The following RBM17 variants were observed in gnomAD, a reference collection of about 807,000 sequenced individuals.
RBM17 encodes splicing factor 45.
RBM17 carries 7 observed loss-of-function variants against 53.2 expected under a neutral mutation model. The observed-to-expected ratio is 0.13, with a 90% CI of 0.07 to 0.25. RBM17 has a LOEUF of 0.25. RBM17 is among the 10% of genes least tolerant of loss of function. The pLI is 1.00. For missense variants in RBM17, 257 were observed against 496.7 expected (o/e 0.52, Z 4.59); for synonymous variants, 167 against 178.1 (o/e 0.94, Z 0.50).
rs1237906942 is a variant in RBM17, at chr10:6,089,798, A to C, written c.-19+605A>C. On this transcript the variant is annotated intron_variant, in intron 1 of 11. Coordinates refer to ENST00000379888, the MANE Select transcript of RBM17 (RefSeq NM_032905.5). The surrounding 1 kb of genome is among the most constrained non-coding windows in gnomAD (Gnocchi z 5.6). ...TTGAGCTTCGCCTCTTGCCCCGAGA[A>C]TGTGTAATGATCGGAGAATGCAGGT... 1 of 152,296 alleles carries C rather than the reference A, an allele frequency of 6.6e-6. No homozygotes were observed. Among genetic ancestry groups the C allele is most frequent in the Non-Finnish European group, 1.5e-5 (1 of 68,036 alleles). 9.4% of individuals were successfully genotyped at this position (152,296 alleles called of 1,614,324 possible).
chr10:6,108,121 G>A (rs1390753968), intron 5 of RBM17, among the ~76,000 whole-genome samples: 2 of 152,152 alleles, frequency 1.3e-5, no homozygotes, highest in Admixed American at 6.5e-5. Flanking sequence ...AAGGACCCAC[G>A]CTTTCAAATA....
intron 1 of RBM17, among the ~76,000 whole-genome samples, chr10:6,091,195 A>G (rs1840479708): frequency 6.6e-6 from 1 of 151,594 alleles, no homozygotes; most frequent in Admixed American, 6.6e-5. Context: ...AGTAGCTGGA[A>G]TTACAGGCGC....
At chr10:6,107,322 T>A (rs570604791) in intron 5 of RBM17, among the ~76,000 whole-genome samples, 24 of 151,772 alleles carry the variant, frequency 1.6e-4, no homozygotes, top group African/African-American at 5.3e-4. Flanking sequence ...GGATTACAGG[T>A]GTGCGCTACC....
intron 2 of RBM17, among the ~76,000 whole-genome samples, chr10:6,098,693 A>G (rs1035533112): frequency 2.7e-5 from 4 of 146,996 alleles, no homozygotes; most frequent in Admixed American, 7.1e-5. Context: ...CTCCTGTCTC[A>G]GCCTCCTGAG....
At chr10:6,093,516 G>T (rs541378556) in intron 1 of RBM17, among the ~76,000 whole-genome samples, 3 of 152,312 alleles carry the variant, frequency 2.0e-5, no homozygotes, top group African/African-American at 4.8e-5. Flanking sequence ...ACCGCAGCCG[G>T]CCCATTATTA....
chr10:6,111,964 A>G (rs1372598839), intron 7 of RBM17, among the ~76,000 whole-genome samples: 1 of 152,142 alleles, frequency 6.6e-6, no homozygotes, highest in Non-Finnish European at 1.5e-5. Flanking sequence ...CACCAGAGAA[A>G]CTGACATTTC....
intron 4 of RBM17, among the ~76,000 whole-genome samples, chr10:6,105,359 A>T (rs1415734055): frequency 6.6e-6 from 1 of 152,100 alleles, no homozygotes; most frequent in East Asian, 1.9e-4. Flanking sequence ...GATGTTGAAA[A>T]TTTTTTTCTA....
intron 6 of RBM17, among the ~76,000 whole-genome samples, chr10:6,109,559 C>A (rs1331417156): frequency 1.3e-5 from 2 of 152,174 alleles, no homozygotes; most frequent in African/African-American, 2.4e-5. Flanking sequence ...CCCCTAACCT[C>A]GGACACCTTT....
At chr10:6,097,019 C>A in intron 1 of RBM17, 29 bp from the exon 2 acceptor site, 1 of 1,595,434 alleles carries the variant, frequency 6.3e-7, no homozygotes, top group South Asian at 1.1e-5. Context: ...ATTGTGCATT[C>A]TTTAATCCCC....
At chr10:6,105,564 A>G (rs1305347921) in intron 4 of RBM17, among the ~76,000 whole-genome samples, 1 of 152,234 alleles carries the variant, frequency 6.6e-6, no homozygotes, top group Non-Finnish European at 1.5e-5. Context: ...GGCATTTGGA[A>G]TAAGGGATTC....
At chr10:6,096,587 T>C (rs1840578386) in intron 1 of RBM17, among the ~76,000 whole-genome samples, 1 of 152,218 alleles carries the variant, frequency 6.6e-6, no homozygotes, top group Admixed American at 6.5e-5. Context: ...ATCTAAGAGA[T>C]CATTTCTGTC....
intron 1 of RBM17, among the ~76,000 whole-genome samples, chr10:6,091,127 C>T (rs1158438712): frequency 6.6e-6 from 1 of 151,112 alleles, no homozygotes; most frequent in East Asian, 1.9e-4. Context: ...CGGTGTAAGT[C>T]GGCTCACTGC....
intron 5 of RBM17, among the ~76,000 whole-genome samples, chr10:6,108,082 C>T (rs148224701): frequency 6.6e-6 from 1 of 152,256 alleles, no homozygotes; most frequent in Non-Finnish European, 1.5e-5. Context: ...GGAATAGTGA[C>T]AACACGCAGC....
chr10:6,113,336 A>T (rs1009647037), intron 8 of RBM17, 172 bp from the exon 9 acceptor site: 3 of 523,298 alleles, frequency 5.7e-6, no homozygotes, highest in Non-Finnish European at 1.0e-5. Context: ...CTTTTATTGC[A>T]GATAAGGCTG....
chr10:6,096,646 G>A (rs1424172405), intron 1 of RBM17, among the ~76,000 whole-genome samples: 1 of 152,044 alleles, frequency 6.6e-6, no homozygotes, highest in Non-Finnish European at 1.5e-5. Context: ...TAAAAGGGTA[G>A]CTAATTGTGC....
intron 10 of RBM17, chr10:6,114,983 G>A: frequency 2.3e-6 from 1 of 429,218 alleles, no homozygotes. Context: ...TACGTCATCA[G>A]CTGGCACAGG....
chr10:6,097,826 C>G (rs1454527179), intron 2 of RBM17, among the ~76,000 whole-genome samples: 1 of 152,208 alleles, frequency 6.6e-6, no homozygotes, highest in Non-Finnish European at 1.5e-5. Flanking sequence ...AACTGTAGTT[C>G]AGGCTGGAGC....
chr10:6,107,479 CTTTTT>C lies in RBM17; in HGVS notation c.506-1190_506-1186del, dbSNP rs71390124. Among the ~76,000 whole-genome samples, 25 of 56,596 alleles carry C rather than the reference CTTTTT, an allele frequency of 4.4e-4. 1 individual carries two copies. Among genetic ancestry groups the C allele is most frequent in the East Asian group, 2.2e-3 (4 of 1,830 alleles). The allele number at this position is 56,596 out of a possible 152,430, so 37.1% of individuals were successfully genotyped here. Reference sequence around the variant, plus strand: ...AGGTATGAGCCACTGCACCCGGCCTCTTTTTTTTTTTTTTTTTTTTTGGAGACACT... The same window carrying C: ...AGGTATGAGCCACTGCACCCGGCCTCTTTTTTTTTTTTTTTTGGAGACACT... On this transcript the variant is annotated intron_variant, in intron 5 of 11. Coordinates refer to ENST00000379888, the MANE Select transcript of RBM17 (RefSeq NM_032905.5).
chr10:6,106,212 A>G lies in RBM17; in HGVS notation c.479A>G (p.Asp160Gly). 6.2e-7 allele frequency: 1 copy of G among 1,613,332 alleles called. No individual in the cohort carries two copies. Among genetic ancestry groups the G allele is most frequent in the Non-Finnish European group, 8.5e-7 (1 of 1,179,272 alleles). ...GATCCAGATTCTGATGAAGATGAAG[A>G]TTATGAGCGAGAGAGGAGGAAAAGA... Reference protein sequence around the residue: ...RPDPDSDEDEDYERERRKRSM... With the variant: ...RPDPDSDEDEGYERERRKRSM... Residue 160 changes from aspartate to glycine, a missense_variant, in exon 5 of 12, where the codon GAT (aspartate) becomes GGT (glycine). This residue lies in a region of RBM17 where 127 missense variants were observed against 217.2 expected (regional missense o/e 0.58). Transcript: ENST00000379888.
Sources: allele counts gnomAD v4.1 joint callset (sites outside exome capture counted in the v4.1 genomes callset), GRCh38; gene constraint gnomAD v4.1.1; regional missense constraint gnomAD v4.1.1; non-coding constraint Gnocchi (gnomAD v3.1); transcripts MANE v1.5; gene names NCBI Gene and HGNC (gene_info 2026-07-23, HGNC 2026-07-21).